Variants in ZNF83 observed in about 807,000 individuals in gnomAD.
ZNF83 encodes zinc finger protein 816B.
For synonymous variants in ZNF83, 209 were observed against 213.0 expected, an observed-to-expected ratio of 0.98 and a Z score of 0.17; for missense variants, 552 against 629.9, an observed-to-expected ratio of 0.88 and a Z score of 1.32.
chr19:52,630,711 C>T (rs762754529), intron 2 of ZNF83, among the ~76,000 whole-genome samples: 76 of 152,004 alleles, frequency 5.0e-4, no homozygotes, highest in Non-Finnish European at 9.0e-4. Flanking sequence ...CTCACATGCC[C>T]GTTACCATCC....
chr19:52,688,339 T>C (rs896896925), intron 1 of ZNF83, among the ~76,000 whole-genome samples: 1 of 141,026 alleles, frequency 7.1e-6, no homozygotes, highest in Non-Finnish European at 1.5e-5. Flanking sequence ...CCCGATTAAT[T>C]TTTTTTTTTT....
intron 2 of ZNF83, among the ~76,000 whole-genome samples, chr19:52,633,224 G>A (rs1159670174): frequency 1.5e-5 from 2 of 137,452 alleles, no homozygotes; most frequent in Non-Finnish European, 3.1e-5. Flanking sequence ...CTGCCCACCA[G>A]AGAACAACCC....
intron 3 of ZNF83, among the ~76,000 whole-genome samples, chr19:52,643,712 A>G (rs2147230673): frequency 6.6e-6 from 1 of 152,180 alleles, no homozygotes; most frequent in African/African-American, 2.4e-5. Context: ...AAAAAAGAAA[A>G]AAAAAAAATT....
chr19:52,658,409 T>TA (rs901651024), intron 2 of ZNF83, among the ~76,000 whole-genome samples: 4 of 151,962 alleles, frequency 2.6e-5, no homozygotes, highest in African/African-American at 9.7e-5. Context: ...CTACCAAAAA[T>TA]ACAACAATTA....
intron 1 of ZNF83, among the ~76,000 whole-genome samples, chr19:52,675,956 C>T (rs1375752973): frequency 6.6e-6 from 1 of 152,106 alleles, no homozygotes; most frequent in Admixed American, 6.5e-5. Context: ...CTTTGGGAGG[C>T]CGATGCAGGC....
At chr19:52,672,201 T>C (rs2061735648) in intron 1 of ZNF83, among the ~76,000 whole-genome samples, 1 of 151,962 alleles carries the variant, frequency 6.6e-6, no homozygotes, top group African/African-American at 2.4e-5. Context: ...ACCACAGCTC[T>C]CCAGCCTGAG....
chr19:52,614,137 T>G, exon 3 of ZNF83: 2 of 1,614,202 alleles, frequency 1.2e-6, no homozygotes, highest in East Asian at 2.2e-5. Flanking sequence ...CTCTCCAGTA[T>G]GAATTCTTTG....
intron 2 of ZNF83, among the ~76,000 whole-genome samples, chr19:52,631,423 C>G (rs1474274520): frequency 6.6e-6 from 1 of 152,184 alleles, no homozygotes; most frequent in African/African-American, 2.4e-5. Flanking sequence ...CTGCGTGCAG[C>G]AGCTGCTGCC....
chr19:52,650,852 C>T (rs139846560), intron 3 of ZNF83: 2 of 152,148 alleles, frequency 1.3e-5, no homozygotes, highest in East Asian at 3.9e-4. Context: ...AACCTGTTTA[C>T]TACAGCAGAA....
chr19:52,673,946 G>A (rs2061762982), intron 1 of ZNF83, among the ~76,000 whole-genome samples: 1 of 144,458 alleles, frequency 6.9e-6, no homozygotes, highest in African/African-American at 2.6e-5. Context: ...AAGCTGAGAG[G>A]TGGAGGCCGC....
In ZNF83 at chr19:52,681,280, C is replaced by CAAAA. The variant is rs56916405; in HGVS notation, c.-283+9159_-283+9162dup. 2.5e-3 allele frequency among the ~76,000 whole-genome samples: 188 copies of CAAAA among 75,084 alleles called. 6 individuals are homozygous for CAAAA. Among genetic ancestry groups the CAAAA allele is most frequent in the African/African-American group, 5.2e-3 (109 of 21,106 alleles). The allele number at this position is 75,084 out of a possible 152,430, so 49.3% of individuals were successfully genotyped here. ...CCTGGGTGACAGAGTGAGACTTTCT[C>CAAAA]AAAAAAAAAAAAAAAAAAAAAGCAA... On this transcript the variant is annotated intron_variant, in intron 1 of 5. Coordinates refer to the ZNF83 transcript ENST00000594682.
At chr19:52,656,922 T>C (rs1238030749) in intron 2 of ZNF83, among the ~76,000 whole-genome samples, 5 of 150,986 alleles carry the variant, frequency 3.3e-5, no homozygotes, top group African/African-American at 4.9e-5. Context: ...CCTGGACACA[T>C]TGCAAATCAC....
upstream of ZNF83, among the ~76,000 whole-genome samples, chr19:52,640,994 C>T (rs911346513): frequency 1.3e-4 from 20 of 152,242 alleles, no homozygotes; most frequent in African/African-American, 4.3e-4. Context: ...TGACAGCAGG[C>T]GACATCTGGG....
At chr19:52,639,504 G>T (rs2061265788), upstream of ZNF83, among the ~76,000 whole-genome samples, 1 of 136,036 alleles carries the variant, frequency 7.4e-6, no homozygotes, top group Non-Finnish European at 1.5e-5. Flanking sequence ...TGCAGCCTCT[G>T]CCTCCTGGGT....
intron 1 of ZNF83, among the ~76,000 whole-genome samples, chr19:52,666,149 G>C (rs1722298814): frequency 8.1e-6 from 1 of 123,728 alleles, no homozygotes; most frequent in Non-Finnish European, 1.6e-5. Flanking sequence ...GGGCAACAGA[G>C]CAAGACTCCA....
intron 2 of ZNF83, chr19:52,617,723 T>A (rs2060365817): frequency 1.2e-5 from 1 of 84,470 alleles, no homozygotes; most frequent in Non-Finnish European, 2.1e-5. Flanking sequence ...AGAGTGAGAT[T>A]GTCTCAAAAA....
chr19:52,685,638 T>G (rs1176619301), intron 1 of ZNF83, among the ~76,000 whole-genome samples: 1 of 152,084 alleles, frequency 6.6e-6, no homozygotes, highest in African/African-American at 2.4e-5. Flanking sequence ...AGCTCTTGCC[T>G]GTAATCCCAG....
At chr19:52,639,513 G>C (rs2061266105), upstream of ZNF83, among the ~76,000 whole-genome samples, 1 of 139,748 alleles carries the variant, frequency 7.2e-6, no homozygotes, top group African/African-American at 2.7e-5. Context: ...TGCCTCCTGG[G>C]TTGAACCGAT....
intron 2 of ZNF83, among the ~76,000 whole-genome samples, chr19:52,619,225 T>G (rs1035062221): frequency 3.3e-5 from 5 of 151,884 alleles, no homozygotes; most frequent in African/African-American, 1.2e-4. Context: ...GGTGTTTGAT[T>G]ATACTTTTTG....
Sources: gnomAD v4.1 joint callset for allele counts (sites outside exome capture counted in the v4.1 genomes callset) on GRCh38, gnomAD v4.1.1 for gene constraint, MANE v1.5 for transcripts, NCBI Gene and HGNC (gene_info 2026-07-23, HGNC 2026-07-21) for gene names.